Variants in NR6A1 observed in about 807,000 individuals in gnomAD.
NR6A1 encodes nuclear receptor subfamily 6 group A member 1.
A neutral mutation model predicts 59.1 loss-of-function variants in NR6A1; 7 were observed. The observed-to-expected ratio is 0.12, with a 90% CI of 0.07 to 0.22. The LOEUF (loss-of-function observed/expected upper bound fraction) is 0.22. NR6A1 is among the 10% of genes least tolerant of loss of function. The pLI, the probability that NR6A1 is intolerant of heterozygous loss-of-function variation, is 1.00. For synonymous variants in NR6A1, 243 were observed against 236.1 expected (o/e 1.03, Z -0.27); for missense variants, 468 against 611.6 (o/e 0.77, Z 2.48).
Position 124,541,867 on chromosome 9 carries a change from A to C in NR6A1, c.442-1680T>G, listed in dbSNP as rs559464566. On this transcript the variant is annotated intron_variant, in intron 4 of 9. Coordinates refer to ENST00000487099, the MANE Select transcript of NR6A1 (RefSeq NM_033334.4). ...AAAGAGGAAAGTCCTGTTATAAGCT[A>C]TACCAAGGGGGAACCATGATGACAT... Among the ~76,000 whole-genome samples, 9 of 152,342 alleles carry C rather than the reference A, an allele frequency of 5.9e-5. No individual in the cohort carries two copies. In the East Asian group the frequency reaches 1.7e-3, roughly 29 times the overall value.
chr9:124,563,848 G>A (rs1834153286), intron 2 of NR6A1, among the ~76,000 whole-genome samples: 2 of 152,166 alleles, frequency 1.3e-5, no homozygotes, highest in Non-Finnish European at 2.9e-5. Flanking sequence ...GGCTGGGGTG[G>A]GAGAATCATT....
rs947078330 is a variant in NR6A1, at chr9:124,539,975, G to C, written c.596+58C>G. The C allele has an allele frequency of 8.0e-6, 12 of 1,496,816 alleles. No homozygotes were observed. The South Asian group carries it at 1.4e-4, about 17-fold the overall frequency. 92.7% of individuals were successfully genotyped at this position (1,496,816 alleles called of 1,614,324 possible). A position where few individuals can be genotyped will look rare whatever the true frequency, so the allele number is the denominator to read the frequency against. ...GATACTCAGCCAGAGGTTTTCTGTA[G>C]CTCTCCCTTTGGTGGGGGATCCCTA... On this transcript the variant is annotated intron_variant, in intron 5 of 9. Coordinates refer to ENST00000487099, the MANE Select transcript of NR6A1 (RefSeq NM_033334.4).
intron 6 of NR6A1, among the ~76,000 whole-genome samples, chr9:124,536,443 G>A (rs1564168400): frequency 6.6e-6 from 1 of 152,112 alleles, no homozygotes; most frequent in Non-Finnish European, 1.5e-5. Flanking sequence ...GAGGCCACTT[G>A]AGTTCAGGAG....
intron 9 of NR6A1, 145 bp from the exon 10 acceptor site, chr9:124,522,938 C>T (rs1470276357): frequency 4.8e-6 from 3 of 623,480 alleles, no homozygotes; most frequent in South Asian, 1.8e-5. Flanking sequence ...AAAGGTTGGA[C>T]ACACTGGGCT....
At chr9:124,594,206 A>C (rs1023774565) in intron 2 of NR6A1, among the ~76,000 whole-genome samples, 1 of 152,218 alleles carries the variant, frequency 6.6e-6, no homozygotes, top group African/African-American at 2.4e-5. Flanking sequence ...TCAATGAAAG[A>C]TCTAGGTGAA....
intron 3 of NR6A1, among the ~76,000 whole-genome samples, chr9:124,548,620 T>C (rs1833677909): frequency 6.6e-6 from 1 of 152,242 alleles, no homozygotes; most frequent in South Asian, 2.1e-4. Flanking sequence ...GATTTCTCAG[T>C]GCTTCATGCA....
At chr9:124,739,806 C>T (rs1182477169) in intron 1 of NR6A1, among the ~76,000 whole-genome samples, 1 of 152,162 alleles carries the variant, frequency 6.6e-6, no homozygotes, top group East Asian at 1.9e-4. Context: ...AGGTGTGAAA[C>T]ACTAGCTAAT....
Position 124,589,551 on chromosome 9 carries a change from A to G in NR6A1, c.143-34981T>C, listed in dbSNP as rs139140212. 5.5e-3 allele frequency among the ~76,000 whole-genome samples: 840 copies of G among 152,372 alleles called. 4 individuals are homozygous for G. Among genetic ancestry groups the G allele is most frequent in the Non-Finnish European group, 8.8e-3 (596 of 68,030 alleles). ...TAATAATGACCAAGGCCAAGACTTG[A>G]TGGCTACCACCTACTGGTTGCCAAG... On this transcript the variant is annotated intron_variant, in intron 2 of 9. Coordinates refer to ENST00000487099, the MANE Select transcript of NR6A1 (RefSeq NM_033334.4).
chr9:124,722,693 C>A (rs936172222), intron 2 of NR6A1, among the ~76,000 whole-genome samples: 1 of 152,180 alleles, frequency 6.6e-6, no homozygotes, highest in African/African-American at 2.4e-5. Context: ...GGGCATCTAC[C>A]AATATGGCAA....
chr9:124,537,382 C>T (rs536888670), intron 6 of NR6A1, among the ~76,000 whole-genome samples: 7 of 152,292 alleles, frequency 4.6e-5, no homozygotes, highest in Middle Eastern at 3.4e-3. Context: ...CCACCACGCC[C>T]GGCTTCCTAC....
chr9:124,543,657 C>T, intron 4 of NR6A1, 145 bp downstream of exon 4: 1 of 560,858 alleles, frequency 1.8e-6, no homozygotes, highest in Non-Finnish European at 3.1e-6. Flanking sequence ...CTTTCACATC[C>T]AGGATGTAAA....
chr9:124,600,907 T>A (rs1350186404), intron 2 of NR6A1, among the ~76,000 whole-genome samples: 1 of 149,634 alleles, frequency 6.7e-6, no homozygotes, highest in Non-Finnish European at 1.5e-5. Context: ...AAAGATTTTG[T>A]AATGCCAATG....
At chr9:124,651,037 C>A (rs1225225296) in intron 2 of NR6A1, among the ~76,000 whole-genome samples, 1 of 152,036 alleles carries the variant, frequency 6.6e-6, no homozygotes, top group Non-Finnish European at 1.5e-5. Context: ...AAACAACAAT[C>A]TGAATTGGGT....
At chr9:124,692,981 T>A (rs16927589) in intron 2 of NR6A1, among the ~76,000 whole-genome samples, 1 of 152,236 alleles carries the variant, frequency 6.6e-6, no homozygotes, top group Non-Finnish European at 1.5e-5. Flanking sequence ...TATCCAATTG[T>A]GACAGTTCTT....
At chr9:124,574,203 T>C (rs1357772243) in intron 2 of NR6A1, among the ~76,000 whole-genome samples, 1 of 152,194 alleles carries the variant, frequency 6.6e-6, no homozygotes, top group African/African-American at 2.4e-5. Context: ...AGAAATACTG[T>C]TGAATGGGTA....
At chr9:124,594,504 C>T (rs1835216423) in intron 2 of NR6A1, among the ~76,000 whole-genome samples, 1 of 152,156 alleles carries the variant, frequency 6.6e-6, no homozygotes, top group African/African-American at 2.4e-5. Context: ...TCCAACAGAT[C>T]CAAAGCAAAT....
chr9:124,766,080 C>T lies in NR6A1; in HGVS notation c.100+4940G>A, dbSNP rs531379701. Among the ~76,000 whole-genome samples the T allele has an allele frequency of 6.2e-4, 94 of 152,260 alleles. 1 individual carries two copies. The South Asian group carries it at 0.018, about 30-fold the overall frequency. On this transcript the variant is annotated intron_variant, in intron 1 of 9. Coordinates refer to ENST00000487099, the MANE Select transcript of NR6A1 (RefSeq NM_033334.4). ...TGTATATCAAAGTTACATCTAGAGA[C>T]GTTTTTTAAATTTAAGCTCAGCTGA...
intron 2 of NR6A1, among the ~76,000 whole-genome samples, chr9:124,692,009 A>C (rs1238974587): frequency 6.6e-6 from 1 of 152,218 alleles, no homozygotes; most frequent in Non-Finnish European, 1.5e-5. Context: ...TCCAGTATTC[A>C]AATTCTGGCT....
At chr9:124,545,047 G>A (rs1314012047) in intron 3 of NR6A1, among the ~76,000 whole-genome samples, 2 of 152,170 alleles carry the variant, frequency 1.3e-5, no homozygotes, top group Non-Finnish European at 2.9e-5. Context: ...GGCAGGGACT[G>A]ATTGCCTCAA....
Sources: gnomAD v4.1 joint callset for allele counts (sites outside exome capture counted in the v4.1 genomes callset) on GRCh38, gnomAD v4.1.1 for gene constraint, MANE v1.5 for transcripts, NCBI Gene and HGNC (gene_info 2026-07-23, HGNC 2026-07-21) for gene names.